DNTTIP1: variants seen among roughly 807,000 people sequenced by gnomAD.
The protein encoded by DNTTIP1 is deoxynucleotidyltransferase terminal interacting protein 1, also known as deoxynucleotidyltransferase terminal-interacting protein 1.
Under a neutral mutation model 52.9 loss-of-function variants are expected in DNTTIP1, and 22 were observed. That is an observed-to-expected ratio of 0.42 (90% CI 0.30 to 0.59). The LOEUF (loss-of-function observed/expected upper bound fraction) is 0.59. Among genes scored for constraint, DNTTIP1 ranks in the 20% least tolerant of loss-of-function variants. DNTTIP1 has a pLI of 0.22. For missense variants in DNTTIP1, 286 were observed against 435.5 expected (o/e 0.66, Z 3.06); for synonymous variants, 136 against 155.1 (o/e 0.88, Z 0.92).
At chr20:45,808,720 T>C (rs1981729245) in intron 10 of DNTTIP1, among the ~76,000 whole-genome samples, 1 of 152,230 alleles carries the variant, frequency 6.6e-6, no homozygotes, top group African/African-American at 2.4e-5. Context: ...ACCATGATGC[T>C]ATTATGCGTC....
intron 3 of DNTTIP1, among the ~76,000 whole-genome samples, chr20:45,794,964 A>G (rs1981186061): frequency 6.6e-6 from 1 of 151,692 alleles, no homozygotes; most frequent in Non-Finnish European, 1.5e-5. Flanking sequence ...ACGCCCAGCT[A>G]ATTTTTTGTA....
intron 1 of DNTTIP1, 84 bp downstream of exon 1, chr20:45,792,193 G>A: frequency 1.2e-6 from 1 of 850,892 alleles, no homozygotes; most frequent in East Asian, 3.3e-5. Context: ...GCGAGAGAAC[G>A]CGGAGGCTGG....
intron 7 of DNTTIP1, 159 bp from the exon 8 acceptor site, chr20:45,803,174 T>A: frequency 1.5e-6 from 1 of 654,580 alleles, no homozygotes; most frequent in Non-Finnish European, 2.6e-6. Flanking sequence ...AGTCCAGTGC[T>A]TTTTTTCCCT....
intron 3 of DNTTIP1, among the ~76,000 whole-genome samples, chr20:45,794,799 A>G (rs1456524175): frequency 1.3e-5 from 2 of 149,828 alleles, no homozygotes; most frequent in Non-Finnish European, 1.5e-5. Context: ...AAAAAAAAAA[A>G]AATTTTTTTT....
chr20:45,794,491 A>G (rs1210012614), intron 3 of DNTTIP1, among the ~76,000 whole-genome samples: 1 of 151,948 alleles, frequency 6.6e-6, no homozygotes, highest in African/African-American at 2.4e-5. Flanking sequence ...TCCCTCCTTG[A>G]GGGTAATTCA....
rs761023465 is a variant in DNTTIP1, at chr20:45,802,066, G to T, written c.557+9G>T. 1 of 1,613,892 alleles carries T rather than the reference G, an allele frequency of 6.2e-7. No individual in the cohort carries two copies. The highest frequency in any genetic ancestry group is 2.2e-5 in the East Asian group (1 of 44,898). On this transcript the variant is annotated intron_variant, in intron 7 of 12. Transcript: ENST00000372622. ...GCAGCCGCCGGCATGGTGTGAGTAG[G>T]GACCAACAGTGTGGTGAGAGCATAG...
At chr20:45,808,953 C>T (rs1981738190) in intron 10 of DNTTIP1, among the ~76,000 whole-genome samples, 161 bp from the exon 11 acceptor site, 2 of 152,258 alleles carry the variant, frequency 1.3e-5, no homozygotes, top group South Asian at 2.1e-4. Context: ...TCGGGGTTGG[C>T]TTAGCTTTCT....
chr20:45,791,959 C>A lies in DNTTIP1; in HGVS notation c.-46C>A. The A allele has an allele frequency of 8.4e-7, 1 of 1,191,306 alleles. No homozygotes were observed. The allele number at this position is 1,191,306 out of a possible 1,614,324, so 73.8% of individuals were successfully genotyped here. On this transcript the variant is annotated 5_prime_UTR_variant, in exon 1 of 13. Transcript: ENST00000372622. ...TCCAGTGACGTCACGGCGCCACTTT[C>A]CGGCCGGTGACAGAGTCCAGCGGAG... is the stretch of plus-strand genomic sequence containing the variant.
chr20:45,800,412 G>A (rs1371326780), intron 4 of DNTTIP1, among the ~76,000 whole-genome samples: 6 of 151,632 alleles, frequency 4.0e-5, no homozygotes, highest in Non-Finnish European at 2.9e-5. Flanking sequence ...GGTGGCTCAT[G>A]CCTGTAATCG....
At chr20:45,792,777 C>T in intron 2 of DNTTIP1, 30 bp downstream of exon 2, 2 of 1,590,624 alleles carry the variant, frequency 1.3e-6, no homozygotes, top group Non-Finnish European at 1.7e-6. Flanking sequence ...GGGCTTATAT[C>T]CCAGCCACTG....
Position 45,795,383 on chromosome 20 carries a change from T to G in DNTTIP1, c.312T>G (p.Val104=). ...CAGCACTGAACGTGCGAGACAATGT[T>G]GGGGAGGAGGTGGACGCAGAGCAGC... ...QKAALNVRDN[V]GEEVDAEQLI... is the part of the protein sequence containing the mutation. The change falls in exon 4 of 13, where the codon GTT becomes GTG. Residue 104 remains valine (V), a synonymous_variant. Transcript: ENST00000372622. 5 of 1,611,666 alleles carry G rather than the reference T, an allele frequency of 3.1e-6. No individual in the cohort carries two copies. Among genetic ancestry groups the G allele is most frequent in the Non-Finnish European group, 4.2e-6 (5 of 1,178,820 alleles).
At position 45,810,903 on chromosome 20, in the gene DNTTIP1, G is replaced by T; in HGVS notation, c.814G>T (p.Glu272Ter). The T allele has an allele frequency of 6.2e-7, 1 of 1,614,156 alleles. No homozygotes were observed. The highest frequency in any genetic ancestry group is 8.5e-7 in the Non-Finnish European group (1 of 1,180,024). Residue 272 changes from glutamate (E) to a stop codon, truncating the protein, a stop_gained, in exon 12 of 13, where the codon GAG becomes TAG. Transcript: ENST00000372622. LOFTEE classifies it high-confidence loss of function. ...GGKMAYLLIE[E>*]DIRDLAASDD... is the part of the protein sequence containing the mutation. ...GCCTCAGGCCTACCTCCTCATCGAGGAGGACATCCGGGACCTTGCGGCCAG... is the reference window on the plus strand; with the variant it reads ...GCCTCAGGCCTACCTCCTCATCGAGTAGGACATCCGGGACCTTGCGGCCAG...
At chr20:45,810,504 G>A (rs1285423252) in intron 11 of DNTTIP1, among the ~76,000 whole-genome samples, 7 of 150,892 alleles carry the variant, frequency 4.6e-5, no homozygotes, top group Non-Finnish European at 1.5e-5. Context: ...CCCACCTTGG[G>A]TCCTTTCGTA....
chr20:45,792,779 C>T, intron 2 of DNTTIP1, 32 bp downstream of exon 2: 1 of 1,587,900 alleles, frequency 6.3e-7, no homozygotes, highest in Non-Finnish European at 8.6e-7. Flanking sequence ...GCTTATATCC[C>T]AGCCACTGGC....
chr20:45,792,393 C>A, intron 1 of DNTTIP1: 1 of 434,386 alleles, frequency 2.3e-6, no homozygotes, highest in Admixed American at 4.1e-5. Flanking sequence ...AAGGCGGGTA[C>A]AACGCCCCGG....
At chr20:45,806,068 C>T (rs1165351444) in intron 10 of DNTTIP1, among the ~76,000 whole-genome samples, 1 of 148,140 alleles carries the variant, frequency 6.8e-6, no homozygotes, top group Non-Finnish European at 1.5e-5. Context: ...TTTAAAATAA[C>T]TCTGGGGTCT....
Position 45,803,356 on chromosome 20 carries a change from C to T in DNTTIP1, c.581C>T (p.Pro194Leu). The T allele has an allele frequency of 1.9e-6, 3 of 1,614,128 alleles. No individual in the cohort carries two copies. The highest frequency in any genetic ancestry group is 2.5e-6 in the Non-Finnish European group (3 of 1,180,008). Residue 194 changes from proline to leucine, a missense_variant, in exon 8 of 13, where the codon CCA (proline) becomes CTA (leucine). By Grantham distance (98) the Pro-to-Leu change is moderately conservative. Coordinates refer to ENST00000372622, the MANE Select transcript of DNTTIP1 (RefSeq NM_052951.3). The stretch of plus-strand genomic sequence containing the variant: ...AGATGGAAACCAAAATCCTGTGAAC[C>T]AATTCGCCGGGAAGGCCCCAAGGTA... ...GMVWKPKSCE[P>L]IRREGPKWDP...
intron 1 of DNTTIP1, 60 bp from the exon 2 acceptor site, chr20:45,792,611 CCCTCCA>C: frequency 7.7e-7 from 1 of 1,295,716 alleles, no homozygotes; most frequent in Non-Finnish European, 1.1e-6. Flanking sequence ...TTCATACCCA[CCCTCCA>C]CCTCCACCCC....
intron 5 of DNTTIP1, 78 bp from the exon 6 acceptor site, chr20:45,801,324 G>C: frequency 6.5e-7 from 1 of 1,535,314 alleles, no homozygotes; most frequent in Non-Finnish European, 9.0e-7. Context: ...TGTAGTCCAG[G>C]GCTGTCTTCT....
Sources: gnomAD v4.1 joint callset for allele counts (sites outside exome capture counted in the v4.1 genomes callset) on GRCh38, gnomAD v4.1.1 for gene constraint, MANE v1.5 for transcripts, NCBI Gene and HGNC (gene_info 2026-07-23, HGNC 2026-07-21) for gene names.